Variants in MCC observed in about 807,000 individuals in gnomAD.
MCC encodes colorectal mutant cancer protein.
Under a neutral mutation model 116.2 loss-of-function variants are expected in MCC, and 90 were observed. That is an observed-to-expected ratio of 0.77 (90% CI 0.65 to 0.92). The LOEUF (loss-of-function observed/expected upper bound fraction) is 0.92, where lower values mean the gene tolerates loss of function less well. Among genes scored for constraint, MCC ranks in the 40% least tolerant of loss-of-function variants. The pLI is 0.00. For missense variants in MCC, 1,516 were observed against 1,312.2 expected (o/e 1.16, Z -2.40); for synonymous variants, 578 against 510.5 (o/e 1.13, Z -1.78).
intron 3 of MCC, among the ~76,000 whole-genome samples, chr5:113,319,738 C>A (rs1767371014): frequency 6.6e-6 from 1 of 152,188 alleles, no homozygotes; most frequent in African/African-American, 2.4e-5. Context: ...TAACAGCATT[C>A]AAACATGTTG....
intron 3 of MCC, among the ~76,000 whole-genome samples, chr5:113,322,047 G>T (rs1428093679): frequency 6.6e-6 from 1 of 152,134 alleles, no homozygotes; most frequent in Non-Finnish European, 1.5e-5. Flanking sequence ...GGTCAGGCTG[G>T]TCTCAAACTC....
chr5:113,050,060 G>A (rs1028413659), intron 15 of MCC, among the ~76,000 whole-genome samples: 5 of 152,238 alleles, frequency 3.3e-5, no homozygotes, highest in African/African-American at 1.2e-4. Context: ...ACGTGGCACT[G>A]TGCTAAGTGT....
intron 1 of MCC, among the ~76,000 whole-genome samples, chr5:113,397,559 A>T (rs1409885591): frequency 6.6e-6 from 1 of 152,204 alleles, no homozygotes; most frequent in East Asian, 1.9e-4. Context: ...GCCTAATGGA[A>T]TATTGAAATA....
chr5:113,289,355 AAAAG>A (rs1326080057), intron 3 of MCC, among the ~76,000 whole-genome samples: 2 of 151,914 alleles, frequency 1.3e-5, no homozygotes, highest in African/African-American at 4.8e-5. Context: ...ATGAAAAGAA[AAAAG>A]AAAGAAGTCA....
intron 3 of MCC, among the ~76,000 whole-genome samples, chr5:113,316,434 C>G (rs1422737859): frequency 6.6e-6 from 1 of 152,130 alleles, no homozygotes; most frequent in African/African-American, 2.4e-5. Context: ...CAGGCCTCAT[C>G]TGCTAGCACA....
chr5:113,407,256 G>C (rs6894687), intron 1 of MCC, among the ~76,000 whole-genome samples: 53,271 of 152,008 alleles, frequency 0.35, 11,510 homozygotes, highest in African/African-American at 0.61. Flanking sequence ...TCAAAATCTA[G>C]CTGATCTCAA....
chr5:113,161,026 A>G (rs1760453570), intron 3 of MCC, among the ~76,000 whole-genome samples: 1 of 152,232 alleles, frequency 6.6e-6, no homozygotes, highest in African/African-American at 2.4e-5. Context: ...TTTTGTAAAA[A>G]TTTCCTATAC....
intron 1 of MCC, among the ~76,000 whole-genome samples, chr5:113,416,396 C>T (rs1770149444): frequency 6.6e-6 from 1 of 151,970 alleles, no homozygotes; most frequent in African/African-American, 2.4e-5. Context: ...AGCCCCTGCA[C>T]TCCAGCCTGG....
intron 2 of MCC, among the ~76,000 whole-genome samples, chr5:113,365,231 C>T (rs1306720534): frequency 6.6e-6 from 1 of 152,174 alleles, no homozygotes; most frequent in Non-Finnish European, 1.5e-5. Context: ...AACCAGGCCA[C>T]ATCTTGAATG....
chr5:113,266,085 T>C (rs1458794388), intron 3 of MCC, among the ~76,000 whole-genome samples: 1 of 152,174 alleles, frequency 6.6e-6, no homozygotes, highest in Non-Finnish European at 1.5e-5. Flanking sequence ...TCAACTTTCA[T>C]TAAAATCCTA....
chr5:113,488,330 T>G lies in MCC; in HGVS notation c.85A>C (p.Ser29Arg). 7.3e-7 allele frequency: 1 copy of G among 1,372,812 alleles called. No homozygotes were observed. Among genetic ancestry groups the G allele is most frequent in the Middle Eastern group, 1.9e-4 (1 of 5,286 alleles). 85.0% of individuals were successfully genotyped at this position (1,372,812 alleles called of 1,614,324 possible). Residue 29 changes from serine (S) to arginine (R), a missense_variant, in exon 1 of 19, where the codon AGC becomes CGC. Physicochemically the swap from Ser to Arg is moderately radical, Grantham distance 110. Coordinates refer to ENST00000408903, the MANE Select transcript of MCC (RefSeq NM_001085377.2). ...TCCTCGCCGGTGCTGGACGTGTCGCTGCTGCTGCTGCTGCTGCCGCTGCCG... is the reference window on the plus strand; with the variant it reads ...TCCTCGCCGGTGCTGGACGTGTCGCGGCTGCTGCTGCTGCTGCCGCTGCCG... Reference protein sequence around the residue: ...GGGSGSSSSSSDTSSTGEEER... With the variant: ...GGGSGSSSSSRDTSSTGEEER...
intron 3 of MCC, among the ~76,000 whole-genome samples, chr5:113,266,496 T>C (rs1440689713): frequency 6.6e-6 from 1 of 152,218 alleles, no homozygotes. Context: ...TTTGTATTTA[T>C]CTGGGAGAGG....
chr5:113,338,892 T>C (rs1009688260), intron 3 of MCC, among the ~76,000 whole-genome samples: 1 of 152,192 alleles, frequency 6.6e-6, no homozygotes, highest in Non-Finnish European at 1.5e-5. Context: ...TATGAATGTT[T>C]TTACAGATTT....
chr5:113,399,050 C>T (rs1464275927), intron 1 of MCC, among the ~76,000 whole-genome samples: 2 of 152,158 alleles, frequency 1.3e-5, no homozygotes, highest in African/African-American at 4.8e-5. Flanking sequence ...TTCAGATGCT[C>T]AGGAGCCACA....
chr5:113,084,114 AT>A lies in MCC; in HGVS notation c.1621del (p.Ile541SerfsTer4), dbSNP rs1382906608. 1 of 1,614,056 alleles carries A rather than the reference AT, an allele frequency of 6.2e-7. No homozygotes were observed. The highest frequency in any genetic ancestry group is 2.2e-5 in the East Asian group (1 of 44,876). ...ATGAACACTCACCCCTATGCTACTG[AT>A]TTCTGAGCCCAGGACTGGCCGATCA... ...SSDRPVLGSE[I>X]SSIGVSSSVA... On this transcript the variant is annotated frameshift_variant, in exon 10 of 19. Transcript: ENST00000408903. LOFTEE classifies it high-confidence loss of function.
intron 1 of MCC, among the ~76,000 whole-genome samples, chr5:113,451,126 AC>A (rs1771380198): frequency 6.6e-6 from 1 of 152,134 alleles, no homozygotes; most frequent in Non-Finnish European, 1.5e-5. Context: ...TAAAATAAGA[AC>A]CCATAGCTGG....
chr5:113,384,411 A>ACC (rs1769197850), intron 2 of MCC, among the ~76,000 whole-genome samples: 1 of 152,098 alleles, frequency 6.6e-6, no homozygotes, highest in Admixed American at 6.6e-5. Context: ...ATACGGTGAA[A>ACC]CCCCGTCTCT....
intron 3 of MCC, among the ~76,000 whole-genome samples, chr5:113,159,949 A>G (rs1398689801): frequency 6.6e-6 from 1 of 152,246 alleles, no homozygotes; most frequent in Non-Finnish European, 1.5e-5. Context: ...CAACTCAGAA[A>G]GCAGCAGCTT....
intron 3 of MCC, among the ~76,000 whole-genome samples, chr5:113,232,614 A>G (rs1763976708): frequency 6.6e-6 from 1 of 152,224 alleles, no homozygotes. Context: ...ACACACATCA[A>G]TGTACCAACA....
Sources: allele counts gnomAD v4.1 joint callset (sites outside exome capture counted in the v4.1 genomes callset), GRCh38; gene constraint gnomAD v4.1.1; transcripts MANE v1.5; gene names NCBI Gene and HGNC (gene_info 2026-07-23, HGNC 2026-07-21).